Variants in HIBCH observed in about 807,000 individuals in gnomAD.
HIBCH encodes 3-hydroxyisobutyryl-CoA hydrolase, mitochondrial.
HIBCH carries 50 observed loss-of-function variants against 58.2 expected under a neutral mutation model. The observed-to-expected ratio is 0.86, with a 90% CI of 0.68 to 1.09. HIBCH has a LOEUF of 1.09. Among genes scored for constraint, HIBCH ranks in the 50% least tolerant of loss-of-function variants. The pLI is 0.00. For missense variants in HIBCH, 450 were observed against 449.7 expected, an observed-to-expected ratio of 1.00 and a Z score of -0.01; for synonymous variants, 151 against 146.9, an observed-to-expected ratio of 1.03 and a Z score of -0.20.
Position 190,254,812 on chromosome 2 carries a change from CTG to C in HIBCH, c.518-2507_518-2506del, listed in dbSNP as rs1559036332. 6.6e-6 allele frequency among the ~76,000 whole-genome samples: 1 copy of C among 152,238 alleles called. No homozygotes were observed. Among genetic ancestry groups the C allele is most frequent in the Non-Finnish European group, 1.5e-5 (1 of 68,040 alleles). ...ACTCCAAAGCCAAAATCTCTCCAGACTGTGCTGTCCAACAGAACTTTCTACAA... is the reference window on the plus strand; with the variant it reads ...ACTCCAAAGCCAAAATCTCTCCAGACTGCTGTCCAACAGAACTTTCTACAA... On this transcript the variant is annotated intron_variant, in intron 7 of 13. Coordinates refer to ENST00000359678, the MANE Select transcript of HIBCH (RefSeq NM_014362.4). The surrounding 1 kb of genome is among the most constrained non-coding windows in gnomAD (Gnocchi z 5.0).
chr2:190,293,611 G>A (rs1421345754), intron 4 of HIBCH, among the ~76,000 whole-genome samples: 5 of 152,066 alleles, frequency 3.3e-5, no homozygotes, highest in African/African-American at 1.2e-4. Flanking sequence ...TTGAAATTAT[G>A]TCCTGAATCC....
At chr2:190,246,484 T>A (rs1237011012) in intron 9 of HIBCH, among the ~76,000 whole-genome samples, 1 of 152,210 alleles carries the variant, frequency 6.6e-6, no homozygotes, top group Non-Finnish European at 1.5e-5. Context: ...ATTTGACACA[T>A]TATCATTAAA....
intron 2 of HIBCH, among the ~76,000 whole-genome samples, chr2:190,297,562 A>AGAC (rs1688135716): frequency 6.6e-6 from 1 of 152,250 alleles, no homozygotes. Flanking sequence ...ATAATATGAC[A>AGAC]TACTTAATAA....
intron 11 of HIBCH, among the ~76,000 whole-genome samples, chr2:190,227,872 T>C (rs1326409687): frequency 1.3e-5 from 2 of 152,196 alleles, no homozygotes; most frequent in African/African-American, 4.8e-5. Context: ...TCATACCAGT[T>C]AGAACGACGA....
At position 190,208,862 on chromosome 2, in the gene HIBCH, T is replaced by C. The variant is rs373868841; in HGVS notation, c.1045+18A>G. 7 of 1,610,202 alleles carry C rather than the reference T, an allele frequency of 4.3e-6. 1 individual carries two copies. The South Asian group carries it at 4.4e-5, about 10-fold the overall frequency. On this transcript the variant is annotated intron_variant, in intron 13 of 13. Transcript: ENST00000359678. ...AATCCCATTTCCCCAAAATGGTAAG[T>C]TCCCATTTGCCACTTACCAGCTCTA...
chr2:190,210,033 A>G lies in HIBCH; in HGVS notation c.1012-1120T>C, dbSNP rs1055127640. Among the ~76,000 whole-genome samples, 5 of 152,346 alleles carry G rather than the reference A, an allele frequency of 3.3e-5. No homozygotes were observed. The highest frequency in any genetic ancestry group is 9.6e-5 in the African/African-American group (4 of 41,570). ...TTGTTTCTCTATTGGATCATTCCCA[A>G]TCATTTTTAAACATGTTCTAGTACC... is the stretch of plus-strand genomic sequence containing the variant. On this transcript the variant is annotated intron_variant, in intron 12 of 13. Coordinates refer to ENST00000359678, the MANE Select transcript of HIBCH (RefSeq NM_014362.4). This position sits in a 1 kb window ranked among gnomAD's most constrained non-coding sequence, Gnocchi z 5.5.
rs73981008 is a variant in HIBCH at position 190,210,672 on chromosome 2, A to G, written c.1012-1759T>C. ...GCCTTTCTCTACACTGTTTCCTCTG[A>G]CCTCATCTCTCACTCACCACAACCT... On this transcript the variant is annotated intron_variant, in intron 12 of 13. Transcript: ENST00000359678. The surrounding 1 kb of genome is among the most constrained non-coding windows in gnomAD (Gnocchi z 5.5). Among the ~76,000 whole-genome samples, 1,913 of 151,548 alleles carry G rather than the reference A, an allele frequency of 0.013. 47 individuals carry two copies. The highest frequency in any genetic ancestry group is 0.043 in the African/African-American group (1,759 of 41,262).
intron 2 of HIBCH, among the ~76,000 whole-genome samples, chr2:190,298,729 G>A (rs1482330707): frequency 1.3e-5 from 2 of 152,044 alleles, no homozygotes; most frequent in Admixed American, 6.6e-5. Context: ...CTTTTGTGGT[G>A]CAGAAGCTCT....
rs528222412 is a variant in HIBCH, at chr2:190,307,055, T to C, written c.78+3699A>G. Among the ~76,000 whole-genome samples, 19 of 152,312 alleles carry C rather than the reference T, an allele frequency of 1.2e-4. No homozygotes were observed. The South Asian group carries it at 2.3e-3, about 18-fold the overall frequency. ...ATAAGCTACCCAGTTTACGGTTTTG[T>C]TACAGCAGCTCAAATGGACTAAAAC... is the stretch of plus-strand genomic sequence containing the variant. On this transcript the variant is annotated intron_variant, in intron 2 of 13. Transcript: ENST00000359678.
intron 2 of HIBCH, among the ~76,000 whole-genome samples, chr2:190,310,463 C>A (rs1356561266): frequency 6.6e-6 from 1 of 152,172 alleles, no homozygotes. Context: ...ATTATTCTCA[C>A]TTTATACATA....
At chr2:190,277,355 G>GA (rs1687581183) in intron 6 of HIBCH, among the ~76,000 whole-genome samples, 1 of 152,086 alleles carries the variant, frequency 6.6e-6, no homozygotes, top group South Asian at 2.1e-4. Context: ...TTCTATACTG[G>GA]AAAAAATAAA....
chr2:190,270,232 A>C (rs2105963055), intron 6 of HIBCH, among the ~76,000 whole-genome samples: 1 of 151,896 alleles, frequency 6.6e-6, no homozygotes, highest in African/African-American at 2.4e-5. Context: ...AAAATTTAAA[A>C]AAATGTACTA....
chr2:190,223,259 T>TA (rs914006298), intron 11 of HIBCH, among the ~76,000 whole-genome samples: 4 of 152,082 alleles, frequency 2.6e-5, no homozygotes, highest in African/African-American at 9.7e-5. Flanking sequence ...ACCCAGAACT[T>TA]AAAGTATAAT....
intron 11 of HIBCH, among the ~76,000 whole-genome samples, chr2:190,238,951 C>T (rs1686367865): frequency 6.6e-6 from 1 of 152,200 alleles, no homozygotes; most frequent in Non-Finnish European, 1.5e-5. Flanking sequence ...TTCTGCTGTA[C>T]AGAAGCTCTT....
intron 7 of HIBCH, among the ~76,000 whole-genome samples, chr2:190,255,876 G>A (rs1029312937): frequency 1.3e-5 from 2 of 151,994 alleles, no homozygotes; most frequent in African/African-American, 4.8e-5. Context: ...GAAACTACAT[G>A]ATTAGTCAGT....
At chr2:190,231,996 G>A (rs960397592) in intron 11 of HIBCH, among the ~76,000 whole-genome samples, 4 of 152,096 alleles carry the variant, frequency 2.6e-5, no homozygotes, top group Admixed American at 2.6e-4. Context: ...AAGAGTTCAA[G>A]ACCAGCCTGA....
At chr2:190,234,185 C>A (rs567050700) in intron 11 of HIBCH, among the ~76,000 whole-genome samples, 41 of 152,266 alleles carry the variant, frequency 2.7e-4, no homozygotes, top group African/African-American at 7.2e-4. Context: ...CACCAAAATG[C>A]GGGTGAGAAT....
intron 11 of HIBCH, among the ~76,000 whole-genome samples, chr2:190,222,421 GAAAA>G (rs930196020): frequency 7.3e-6 from 1 of 137,388 alleles, no homozygotes; most frequent in African/African-American, 2.7e-5. Context: ...CAAAAAGGAG[GAAAA>G]AAAAAAAACC....
In HIBCH at chr2:190,261,185, C is replaced by A. The variant is rs74832989; in HGVS notation, c.488G>T (p.Cys163Phe). Residue 163 changes from cysteine (C) to phenylalanine (F), a missense_variant, in exon 7 of 14, where the codon TGT becomes TTT. Physicochemically the swap from Cys to Phe is radical, Grantham distance 205. Transcript: ENST00000359678. ...TGCAGTTTCTGGCATAGCAAAAAGA[C>A]ACTTTTCTGTAGCCACTCGAAATTG... is the stretch of plus-strand genomic sequence containing the variant. ...HGQFRVATEKCLFAMPETAIG... is the reference protein window; with the variant it reads ...HGQFRVATEKFLFAMPETAIG... 5.0e-6 allele frequency: 8 copies of A among 1,612,936 alleles called. No individual in the cohort carries two copies. Among genetic ancestry groups the A allele is most frequent in the Admixed American group, 3.3e-5 (2 of 59,938 alleles).
Sources: gnomAD v4.1 joint callset for allele counts (sites outside exome capture counted in the v4.1 genomes callset) on GRCh38, gnomAD v4.1.1 for gene constraint, Gnocchi (gnomAD v3.1) non-coding constraint, MANE v1.5 for transcripts, NCBI Gene and HGNC (gene_info 2026-07-23, HGNC 2026-07-21) for gene names.